The following UFD1 variants were observed in gnomAD, a reference collection of about 807,000 sequenced individuals.
UFD1 encodes the protein ubiquitin recognition factor in ER-associated degradation protein 1.
UFD1 carries 13 observed loss-of-function variants against 45.9 expected under a neutral mutation model. The ratio of observed to expected loss-of-function variants is 0.28; its 90% CI spans 0.18 to 0.45. UFD1 has a LOEUF of 0.45. Ranked by LOEUF, UFD1 falls within the 20% of genes least tolerant of loss-of-function variation. UFD1 has a pLI of 1.00. For missense variants in UFD1, 218 were observed against 389.2 expected, an observed-to-expected ratio of 0.56 and a Z score of 3.70; for synonymous variants, 128 against 139.2, an observed-to-expected ratio of 0.92 and a Z score of 0.56.
intron 6 of UFD1, among the ~76,000 whole-genome samples, chr22:19,464,408 T>C (rs151241056): frequency 3.4e-4 from 52 of 152,354 alleles, no homozygotes; most frequent in African/African-American, 1.1e-3. Context: ...GCACCCATAT[T>C]ACTGTGCTCC....
chr22:19,473,419 G>A (rs566033586), intron 3 of UFD1, among the ~76,000 whole-genome samples: 1 of 152,282 alleles, frequency 6.6e-6, no homozygotes, highest in African/African-American at 2.4e-5. Flanking sequence ...TAAAAGATTT[G>A]AACAACACTG....
chr22:19,471,913 CCA>C (rs2089849091), intron 3 of UFD1, 105 bp from the exon 4 acceptor site: 3 of 1,471,538 alleles, frequency 2.0e-6, no homozygotes, highest in African/African-American at 2.8e-5. Context: ...GCCCTCAACC[CCA>C]CACTCCTCTG....
rs146716859 is a variant in UFD1 at position 19,459,234 on chromosome 22, G to A, written c.496-1095C>T. ...TTACAGTTATACAATGGTATGCTAC[G>A]CAGCCAACAGGAAAATAATTGTAAA... On this transcript the variant is annotated intron_variant, in intron 6 of 11. Coordinates refer to ENST00000263202, the MANE Select transcript of UFD1 (RefSeq NM_005659.7). Among the ~76,000 whole-genome samples, 810 of 152,264 alleles carry A rather than the reference G, an allele frequency of 5.3e-3. 28 individuals are homozygous for A. The highest frequency in any genetic ancestry group is 0.039 in the Admixed American group (591 of 15,290).
At position 19,451,232 on chromosome 22, in the gene UFD1, G is replaced by T. The variant is rs975550982; in HGVS notation, c.850-488C>A. 3 of 985,790 alleles carry T rather than the reference G, an allele frequency of 3.0e-6. No individual in the cohort carries two copies. In the Admixed American group the frequency reaches 1.8e-4, roughly 60 times the overall value. The allele number at this position is 985,790 out of a possible 1,614,324, so 61.1% of individuals were successfully genotyped here. A position where few individuals can be genotyped will look rare whatever the true frequency, so the allele number is the denominator to read the frequency against. On this transcript the variant is annotated intron_variant, in intron 11 of 11. Transcript: ENST00000263202. Reference sequence around the variant, plus strand: ...TTCCCACTTAATTCTGAAATCTCATGCCAATAAACTTCCTGTCTAGTATAC... The same window carrying T: ...TTCCCACTTAATTCTGAAATCTCATTCCAATAAACTTCCTGTCTAGTATAC...
intron 4 of UFD1, among the ~76,000 whole-genome samples, chr22:19,469,286 G>A (rs762813499): frequency 1.3e-5 from 2 of 152,176 alleles, no homozygotes; most frequent in Non-Finnish European, 2.9e-5. Context: ...TGGGAAATTT[G>A]TCAGCGAGGG....
intron 6 of UFD1, among the ~76,000 whole-genome samples, chr22:19,460,123 T>C (rs2089755670): frequency 6.6e-6 from 1 of 152,146 alleles, no homozygotes; most frequent in South Asian, 2.1e-4. Context: ...AAATCTACTT[T>C]TAAAAGTGTC....
rs764488780 is a variant in UFD1 at position 19,471,815 on chromosome 22, A to G, written c.170-7T>C. ...TAGGTAATGTTAAGTCGGCCTGAAA[A>G]TAAGAGAGAGACTATGAGGCACAGC... On this transcript the variant is annotated splice_region_variant and splice_polypyrimidine_tract_variant and intron_variant, in intron 3 of 11. Coordinates refer to ENST00000263202, the MANE Select transcript of UFD1 (RefSeq NM_005659.7). The G allele has an allele frequency of 3.7e-6, 6 of 1,612,802 alleles. No individual in the cohort carries two copies. Among genetic ancestry groups the G allele is most frequent in the Non-Finnish European group, 4.2e-6 (5 of 1,179,176 alleles).
At chr22:19,456,377 G>A in intron 9 of UFD1, 1 of 631,632 alleles carries the variant, frequency 1.6e-6, no homozygotes, top group Admixed American at 2.9e-5. Context: ...AATCTGGGCT[G>A]CCTTATGGGG....
intron 11 of UFD1, 64 bp from the exon 12 acceptor site, chr22:19,450,808 T>C: frequency 6.2e-7 from 1 of 1,612,332 alleles, no homozygotes; most frequent in Non-Finnish European, 8.5e-7. Context: ...AATGCCTTAC[T>C]CTATGGACTC....
Position 19,456,870 on chromosome 22 carries a change from G to C in UFD1, c.613C>G (p.Gln205Glu), listed in dbSNP as rs1199716065. 6.2e-7 allele frequency: 1 copy of C among 1,613,108 alleles called. No individual in the cohort carries two copies. The highest frequency in any genetic ancestry group is 1.7e-5 in the Admixed American group (1 of 59,848). Residue 205 changes from glutamine to glutamate, a missense_variant, in exon 8 of 12, where the codon CAG becomes GAG. This residue lies in a region of UFD1 where 149 missense variants were observed against 307.5 expected (regional missense o/e 0.48). Coordinates refer to ENST00000263202, the MANE Select transcript of UFD1 (RefSeq NM_005659.7). ...ACACTTACTGTCGACTCCTCATGCT[G>C]GACTTGTCTTTCGGGTTCTTTGTAG... ...LGYKEPERQV[Q>E]HEESTEGEAD...
rs1480165818 is a variant in UFD1 at position 19,479,077 on chromosome 22, G to C, written c.3+6C>G. On this transcript the variant is annotated splice_donor_region_variant and intron_variant, in intron 1 of 11. Transcript: ENST00000263202. ...CAGCCCCCGCCCGCTGCCCGTCAGC[G>C]CTTACCATGATGGACACCACCTGGC... 2 of 1,609,054 alleles carry C rather than the reference G, an allele frequency of 1.2e-6. No individual in the cohort carries two copies. The highest frequency in any genetic ancestry group is 2.2e-5 in the South Asian group (2 of 90,872).
Position 19,475,466 on chromosome 22 carries a change from A to G in UFD1, c.136+4T>C. On this transcript the variant is annotated splice_donor_region_variant and intron_variant, in intron 2 of 11. Coordinates refer to ENST00000263202, the MANE Select transcript of UFD1 (RefSeq NM_005659.7). The stretch of plus-strand genomic sequence containing the variant: ...TTACTATTCAAATAAAAACAAGCAC[A>G]TACTCTTCCCTCCTTTCTCCACATC... The G allele has an allele frequency of 1.2e-6, 2 of 1,613,792 alleles. No homozygotes were observed. Among genetic ancestry groups the G allele is most frequent in the South Asian group, 1.1e-5 (1 of 91,068 alleles).
Position 19,479,176 on chromosome 22 carries a change from G to GTA in UFD1, c.-92_-91insTA. ...TCTCCCAGCCGCCGCTGCCGCTGCC[G>GTA]CCGCGCCAAGCCGGTACGCCCCAGA... On this transcript the variant is annotated 5_prime_UTR_variant, in exon 1 of 12. Coordinates refer to ENST00000263202, the MANE Select transcript of UFD1 (RefSeq NM_005659.7). 1 of 1,572,296 alleles carries GTA rather than the reference G, an allele frequency of 6.4e-7. No homozygotes were observed. Among genetic ancestry groups the GTA allele is most frequent in the Non-Finnish European group, 8.6e-7 (1 of 1,160,498 alleles).
rs1180497388 is a variant in UFD1, at chr22:19,450,509, C to G, written c.*161G>C. On this transcript the variant is annotated 3_prime_UTR_variant, in exon 12 of 12. Coordinates refer to ENST00000263202, the MANE Select transcript of UFD1 (RefSeq NM_005659.7). The stretch of plus-strand genomic sequence containing the variant: ...CATACAACTACAAAGTCCTGCTGCT[C>G]CACTTCCAAGTCAAACTTAATAATT... 2 of 914,640 alleles carry G rather than the reference C, an allele frequency of 2.2e-6. No individual in the cohort carries two copies. Among genetic ancestry groups the G allele is most frequent in the Non-Finnish European group, 3.3e-6 (2 of 614,506 alleles). 56.7% of individuals were successfully genotyped at this position (914,640 alleles called of 1,614,324 possible).
chr22:19,460,290 C>T (rs914488865), intron 6 of UFD1, among the ~76,000 whole-genome samples: 1 of 152,126 alleles, frequency 6.6e-6, no homozygotes, highest in African/African-American at 2.4e-5. Context: ...TTGGCTCATG[C>T]TTCTCTACCG....
chr22:19,456,969 G>T, intron 7 of UFD1, 51 bp from the exon 8 acceptor site: 1 of 1,294,314 alleles, frequency 7.7e-7, no homozygotes, highest in Non-Finnish European at 1.1e-6. Flanking sequence ...ACCACCCTTG[G>T]CTTCCTTTTT....
chr22:19,474,720 C>T (rs5748227), intron 3 of UFD1, among the ~76,000 whole-genome samples: 8,383 of 151,956 alleles, frequency 0.055, 368 homozygotes, highest in East Asian at 0.12. Context: ...TGCCCTGGCA[C>T]GGTACAAAGC....
intron 10 of UFD1, 122 bp downstream of exon 10, chr22:19,455,556 GTT>G: frequency 1.2e-6 from 1 of 847,046 alleles, no homozygotes. Flanking sequence ...GCAGCTAAGG[GTT>G]TTAGTCCCTT....
chr22:19,456,071 T>C (rs2089720731), intron 9 of UFD1, among the ~76,000 whole-genome samples: 2 of 152,160 alleles, frequency 1.3e-5, no homozygotes, highest in South Asian at 4.1e-4. Context: ...GGGCTAAGGC[T>C]ACTGTTGTGA....
Sources: allele counts gnomAD v4.1 joint callset (sites outside exome capture counted in the v4.1 genomes callset), GRCh38; gene constraint gnomAD v4.1.1; regional missense constraint gnomAD v4.1.1; transcripts MANE v1.5; gene names NCBI Gene and HGNC (gene_info 2026-07-23, HGNC 2026-07-21).